Variants in ALK observed in about 807,000 individuals in gnomAD.
The protein encoded by ALK is ALK receptor tyrosine kinase.
Under a neutral mutation model 163.1 loss-of-function variants are expected in ALK, and 74 were observed. The ratio of observed to expected loss-of-function variants is 0.45; its 90% CI spans 0.38 to 0.55. ALK has a LOEUF of 0.55. ALK is among the 20% of genes least tolerant of loss of function. The probability of loss-of-function intolerance (pLI) is 0.00; values close to 1 mark genes in which losing one functional copy is unlikely to be tolerated. For synonymous variants in ALK, 960 were observed against 843.2 expected (o/e 1.14, Z -2.40); for missense variants, 2,063 against 2,105.3 (o/e 0.98, Z 0.39).
chr2:29,382,616 A>G (rs1038187766), intron 5 of ALK, among the ~76,000 whole-genome samples: 6 of 152,220 alleles, frequency 3.9e-5, no homozygotes, highest in Non-Finnish European at 5.9e-5. Flanking sequence ...TTTGTATGGT[A>G]CATAGATCCT....
rs112412015 is a variant in ALK at position 29,265,722 on chromosome 2, T to C, written c.2041+9377A>G. Among the ~76,000 whole-genome samples the C allele has an allele frequency of 9.3e-3, 1,423 of 152,272 alleles. 22 individuals are homozygous for C. The highest frequency in any genetic ancestry group is 0.031 in the African/African-American group (1,296 of 41,558). On this transcript the variant is annotated intron_variant, in intron 11 of 28. Transcript: ENST00000389048. ...ACAAATCAGAGCTGGGCGTGGTGGC[T>C]CATGCCTGTAATCTCAGCACTTTGG...
At chr2:29,248,292 A>G (rs1183321755) in intron 12 of ALK, among the ~76,000 whole-genome samples, 2 of 152,174 alleles carry the variant, frequency 1.3e-5, no homozygotes, top group African/African-American at 4.8e-5. Flanking sequence ...CCTGGCCAAC[A>G]TGGTGAAACC....
chr2:29,548,398 G>A (rs1673619157), intron 3 of ALK, among the ~76,000 whole-genome samples: 2 of 151,926 alleles, frequency 1.3e-5, no homozygotes, highest in African/African-American at 4.8e-5. Flanking sequence ...GCTTGAACCC[G>A]GAAGGTGGAA....
At chr2:29,522,659 C>A (rs1426788376) in intron 4 of ALK, among the ~76,000 whole-genome samples, 1 of 152,070 alleles carries the variant, frequency 6.6e-6, no homozygotes, top group Non-Finnish European at 1.5e-5. Context: ...GGGGACATTG[C>A]ATGTGTAGGG....
chr2:29,437,064 G>A (rs180898087), intron 4 of ALK, among the ~76,000 whole-genome samples: 2 of 152,292 alleles, frequency 1.3e-5, no homozygotes, highest in African/African-American at 4.8e-5. Context: ...GGCCAACCAT[G>A]TGATGCTGCC....
intron 5 of ALK, among the ~76,000 whole-genome samples, chr2:29,352,762 T>C (rs372398496): frequency 1.3e-4 from 19 of 151,722 alleles, no homozygotes; most frequent in African/African-American, 4.4e-4. Flanking sequence ...AATAAGAGGG[T>C]TTGTGGGAAG....
At chr2:29,752,328 G>C (rs981092586) in intron 1 of ALK, among the ~76,000 whole-genome samples, 1 of 151,100 alleles carries the variant, frequency 6.6e-6, no homozygotes, top group Admixed American at 6.6e-5. Flanking sequence ...ATGCATTTGT[G>C]ACTTCTGCTA....
At chr2:29,864,279 T>C (rs1200157086) in intron 1 of ALK, among the ~76,000 whole-genome samples, 1 of 152,204 alleles carries the variant, frequency 6.6e-6, no homozygotes, top group Admixed American at 6.5e-5. Context: ...AGCCAGTTTA[T>C]CCTGCCTCGG....
chr2:29,389,950 A>T (rs539104785), intron 4 of ALK, among the ~76,000 whole-genome samples: 147 of 152,292 alleles, frequency 9.7e-4, no homozygotes, highest in Admixed American at 2.6e-3. Context: ...TGTTGCATAA[A>T]TGTTCTCTCC....
At chr2:29,550,582 A>T (rs1235656242) in intron 3 of ALK, among the ~76,000 whole-genome samples, 2 of 152,090 alleles carry the variant, frequency 1.3e-5, no homozygotes, top group African/African-American at 4.8e-5. Context: ...GTATCTGAAA[A>T]TTTTCAACCA....
intron 1 of ALK, among the ~76,000 whole-genome samples, chr2:29,776,710 T>C (rs1053242312): frequency 2.4e-4 from 37 of 152,216 alleles, no homozygotes; most frequent in Admixed American, 9.8e-4. Flanking sequence ...GGTGGGAAGA[T>C]TGCTTGAGCC....
At chr2:29,453,043 G>A (rs1670861632) in intron 4 of ALK, among the ~76,000 whole-genome samples, 1 of 152,186 alleles carries the variant, frequency 6.6e-6, no homozygotes, top group African/African-American at 2.4e-5. Context: ...GGAAAAATGA[G>A]TAGGAAAACT....
At chr2:29,505,425 T>G (rs1672293025) in intron 4 of ALK, among the ~76,000 whole-genome samples, 1 of 152,174 alleles carries the variant, frequency 6.6e-6, no homozygotes. Context: ...GACTGATAAG[T>G]ACTTGGCAGG....
At chr2:29,870,423 C>T (rs1273074599) in intron 1 of ALK, among the ~76,000 whole-genome samples, 1 of 152,136 alleles carries the variant, frequency 6.6e-6, no homozygotes, top group Non-Finnish European at 1.5e-5. Context: ...AACTCACACA[C>T]TATCATGAGA....
chr2:29,291,647 C>T (rs771649430), intron 9 of ALK, among the ~76,000 whole-genome samples: 5 of 152,306 alleles, frequency 3.3e-5, no homozygotes, highest in South Asian at 2.1e-4. Context: ...ACTCAACAAA[C>T]GCTAGCTCTA....
intron 3 of ALK, among the ~76,000 whole-genome samples, chr2:29,597,301 C>T (rs1675242456): frequency 6.6e-6 from 1 of 152,218 alleles, no homozygotes; most frequent in Non-Finnish European, 1.5e-5. Context: ...TAAATAGCTA[C>T]TGTCAACAGA....
chr2:29,868,219 T>C (rs1666490186), intron 1 of ALK, among the ~76,000 whole-genome samples: 1 of 152,160 alleles, frequency 6.6e-6, no homozygotes, highest in Admixed American at 6.5e-5. Context: ...CACCTCAAGA[T>C]GGGAGGTGGC....
intron 4 of ALK, among the ~76,000 whole-genome samples, chr2:29,438,085 C>A (rs527681054): frequency 1.3e-5 from 2 of 150,210 alleles, no homozygotes; most frequent in Non-Finnish European, 3.0e-5. Flanking sequence ...AATATGTAGG[C>A]GGAGCTAAGA....
intron 3 of ALK, among the ~76,000 whole-genome samples, chr2:29,653,084 G>A (rs1157407865): frequency 6.6e-6 from 1 of 152,110 alleles, no homozygotes; most frequent in African/African-American, 2.4e-5. Context: ...GTCTGACGCT[G>A]TCTCCAGGTA....
Sources: gnomAD v4.1 joint callset for allele counts (sites outside exome capture counted in the v4.1 genomes callset) on GRCh38, gnomAD v4.1.1 for gene constraint, MANE v1.5 for transcripts, NCBI Gene and HGNC (gene_info 2026-07-23, HGNC 2026-07-21) for gene names.